SDK1: variants seen among roughly 807,000 people sequenced by gnomAD.
SDK1 encodes protein sidekick-1.
Under a neutral mutation model 245.5 loss-of-function variants are expected in SDK1, and 157 were observed. The ratio of observed to expected loss-of-function variants is 0.64; its 90% confidence interval spans 0.56 to 0.73. The LOEUF (loss-of-function observed/expected upper bound fraction) is 0.73. SDK1 is among the 30% of genes least tolerant of loss of function. SDK1 has a pLI of 0.00. For missense variants in SDK1, 3,583 were observed against 3,002.3 expected, an observed-to-expected ratio of 1.19 and a Z score of -4.52; for synonymous variants, 1,647 against 1,278.5, an observed-to-expected ratio of 1.29 and a Z score of -6.15.
rs1359664598 is a variant in SDK1, at chr7:3,725,141, AAT to A, written c.713+83038_713+83039del. ...AGTAGATAGAGGAAGTAACTTTCTGAATAGAGTTCAGTTAAGAAGGAATTGCT... is the reference window on the plus strand; with the variant it reads ...AGTAGATAGAGGAAGTAACTTTCTGAAGAGTTCAGTTAAGAAGGAATTGCT... On this transcript the variant is annotated intron_variant, in intron 4 of 44. Transcript: ENST00000404826. Among the ~76,000 whole-genome samples the A allele has an allele frequency of 2.0e-5, 3 of 152,322 alleles. No individual in the cohort carries two copies. The East Asian group carries it at 5.8e-4, about 29-fold the overall frequency.
At chr7:3,872,297 AAATG>A (rs1780976193) in intron 5 of SDK1, among the ~76,000 whole-genome samples, 1 of 152,180 alleles carries the variant, frequency 6.6e-6, no homozygotes, top group African/African-American at 2.4e-5. Flanking sequence ...GTATTAGGGT[AAATG>A]CTAGTCTCAT....
intron 1 of SDK1, among the ~76,000 whole-genome samples, chr7:3,440,245 C>T (rs944905819): frequency 6.6e-6 from 1 of 152,176 alleles, no homozygotes; most frequent in African/African-American, 2.4e-5. Flanking sequence ...TATAGAGCAT[C>T]TTTCTGCCCA....
intron 5 of SDK1, among the ~76,000 whole-genome samples, chr7:3,891,492 G>A (rs1392668972): frequency 6.6e-6 from 1 of 152,158 alleles, no homozygotes; most frequent in Non-Finnish European, 1.5e-5. Flanking sequence ...TAATCCAGCC[G>A]AAAGTGTAGT....
intron 1 of SDK1, among the ~76,000 whole-genome samples, chr7:3,351,555 T>C (rs1036826497): frequency 6.6e-6 from 1 of 152,046 alleles, no homozygotes; most frequent in African/African-American, 2.4e-5. Flanking sequence ...AAGAAGCATA[T>C]CTAAAAACAA....
intron 14 of SDK1, among the ~76,000 whole-genome samples, chr7:4,005,149 G>T (rs1219951417): frequency 6.9e-6 from 1 of 145,458 alleles, no homozygotes. Flanking sequence ...GGGTTCAAGC[G>T]ATTCTCCTGC....
intron 1 of SDK1, among the ~76,000 whole-genome samples, chr7:3,529,975 T>A (rs1023429349): frequency 1.3e-5 from 2 of 152,202 alleles, no homozygotes; most frequent in African/African-American, 4.8e-5. Flanking sequence ...TACTATTATG[T>A]GATAAGTACC....
At chr7:3,471,595 G>A (rs1020299479) in intron 1 of SDK1, among the ~76,000 whole-genome samples, 4 of 152,136 alleles carry the variant, frequency 2.6e-5, no homozygotes, top group African/African-American at 9.7e-5. Context: ...TTTACACTAT[G>A]TTTTCAGTTT....
intron 1 of SDK1, among the ~76,000 whole-genome samples, chr7:3,384,521 G>A (rs1030851425): frequency 4.6e-5 from 7 of 152,162 alleles, no homozygotes; most frequent in Non-Finnish European, 8.8e-5. Context: ...TAAATCTAAC[G>A]TTGTCTAACC....
intron 2 of SDK1, among the ~76,000 whole-genome samples, chr7:3,631,777 G>C (rs999912816): frequency 6.6e-6 from 1 of 152,180 alleles, no homozygotes; most frequent in Non-Finnish European, 1.5e-5. Flanking sequence ...TCTTTGTTTA[G>C]GGATCATTGT....
chr7:3,823,068 T>A (rs1779685346), intron 5 of SDK1, among the ~76,000 whole-genome samples: 1 of 152,114 alleles, frequency 6.6e-6, no homozygotes, highest in South Asian at 2.1e-4. Flanking sequence ...GGGGTCTTTG[T>A]GATGCCATGG....
chr7:3,650,174 C>G (rs918239982), intron 4 of SDK1, among the ~76,000 whole-genome samples: 2 of 152,158 alleles, frequency 1.3e-5, no homozygotes, highest in African/African-American at 2.4e-5. Context: ...TTTGGCCTCC[C>G]AGAGCGCTGG....
At chr7:3,314,880 C>G (rs1478039304) in intron 1 of SDK1, among the ~76,000 whole-genome samples, 1 of 150,888 alleles carries the variant, frequency 6.6e-6, no homozygotes, top group Non-Finnish European at 1.5e-5. Flanking sequence ...CATCATACAT[C>G]CTATTGGCAA....
intron 25 of SDK1, among the ~76,000 whole-genome samples, chr7:4,122,221 C>A (rs1048188131): frequency 3.3e-5 from 5 of 152,180 alleles, no homozygotes; most frequent in African/African-American, 1.2e-4. Context: ...AAGGCCCTCC[C>A]AGGTGCAGCA....
At chr7:3,946,137 C>T (rs1195110132) in intron 5 of SDK1, among the ~76,000 whole-genome samples, 1 of 151,678 alleles carries the variant, frequency 6.6e-6, no homozygotes, top group African/African-American at 2.4e-5. Flanking sequence ...CTTTCAGTTA[C>T]CTAGCACAAT....
rs572700823 is a variant in SDK1, at chr7:3,606,094, T to C, written c.299-12986T>C. 2.6e-5 allele frequency among the ~76,000 whole-genome samples: 4 copies of C among 152,312 alleles called. No homozygotes were observed. The South Asian group carries it at 8.3e-4, about 32-fold the overall frequency. ...TGTCTAGTGGGTATTTCAAACATCC[T>C]AAGTTCAACACTGAGCTCTTGTTCT... On this transcript the variant is annotated intron_variant, in intron 1 of 44. Coordinates refer to ENST00000404826, the MANE Select transcript of SDK1 (RefSeq NM_152744.4).
chr7:4,183,489 G>A (rs574268619), intron 35 of SDK1, among the ~76,000 whole-genome samples: 1 of 151,948 alleles, frequency 6.6e-6, no homozygotes, highest in African/African-American at 2.4e-5. Context: ...CAAAAAATTA[G>A]CTGGGCATGG....
At chr7:3,514,856 TCACGCGTG>T (rs1200258658) in intron 1 of SDK1, among the ~76,000 whole-genome samples, 1 of 152,212 alleles carries the variant, frequency 6.6e-6, no homozygotes, top group African/African-American at 2.4e-5. Context: ...CTTTGCCCCA[TCACGCGTG>T]CATGCGTGCA....
chr7:3,989,043 C>A (rs1784088164), intron 14 of SDK1, among the ~76,000 whole-genome samples: 1 of 152,226 alleles, frequency 6.6e-6, no homozygotes, highest in South Asian at 2.1e-4. Flanking sequence ...GCATGAGCCA[C>A]CGCGCCTGGC....
chr7:3,647,045 G>A (rs1782861381), intron 4 of SDK1, among the ~76,000 whole-genome samples: 4 of 152,190 alleles, frequency 2.6e-5, no homozygotes, highest in Admixed American at 2.6e-4. Flanking sequence ...TCGCACAACA[G>A]TGTGAATGCA....
Sources: allele counts gnomAD v4.1 joint callset (sites outside exome capture counted in the v4.1 genomes callset), GRCh38; gene constraint gnomAD v4.1.1; transcripts MANE v1.5; gene names NCBI Gene and HGNC (gene_info 2026-07-23, HGNC 2026-07-21).